The following DENND1A variants were observed in gnomAD, a reference collection of about 807,000 sequenced individuals.
The protein encoded by DENND1A is DENN domain containing 1A, also known as DENN domain-containing protein 1A.
DENND1A carries 51 observed loss-of-function variants against 113.7 expected under a neutral mutation model. The observed-to-expected ratio is 0.45, with a 90% confidence interval of 0.36 to 0.57. The LOEUF (loss-of-function observed/expected upper bound fraction) is 0.57. Ranked by LOEUF, DENND1A falls within the 20% of genes least tolerant of loss-of-function variation. The pLI is 0.00. For synonymous variants in DENND1A, 565 were observed against 570.8 expected (o/e 0.99, Z 0.14); for missense variants, 1,258 against 1,395.9 (o/e 0.90, Z 1.57).
intron 6 of DENND1A, 113 bp downstream of exon 6, chr9:123,676,607 T>C (rs933669915): frequency 1.1e-6 from 1 of 919,666 alleles, no homozygotes; most frequent in Non-Finnish European, 1.6e-6. Context: ...TTCCCAAAAT[T>C]CCTATAATGG....
chr9:123,787,929 ACT>A (rs375203994), intron 3 of DENND1A, among the ~76,000 whole-genome samples: 41 of 152,214 alleles, frequency 2.7e-4, no homozygotes, highest in African/African-American at 8.9e-4. Flanking sequence ...TCATTATAAC[ACT>A]CTGTTTCAGT....
At chr9:123,390,811 G>A (rs1241136211) in intron 21 of DENND1A, among the ~76,000 whole-genome samples, 3 of 152,212 alleles carry the variant, frequency 2.0e-5, no homozygotes, top group African/African-American at 7.2e-5. Context: ...GCCCCGGCTC[G>A]GGCCAAATGG....
At chr9:123,537,723 T>G (rs933484350) in intron 13 of DENND1A, among the ~76,000 whole-genome samples, 4 of 145,456 alleles carry the variant, frequency 2.7e-5, no homozygotes, top group Middle Eastern at 3.5e-3. Context: ...TATCATTAAC[T>G]TTGACAGCAA....
chr9:123,858,614 G>A (rs1370998898), intron 2 of DENND1A, among the ~76,000 whole-genome samples: 1 of 152,056 alleles, frequency 6.6e-6, no homozygotes, highest in Admixed American at 6.5e-5. Context: ...GAGGGGAGGA[G>A]GTTAAATTCA....
intron 4 of DENND1A, among the ~76,000 whole-genome samples, chr9:123,765,913 A>AT (rs1828725047): frequency 6.6e-6 from 1 of 152,164 alleles, no homozygotes; most frequent in Non-Finnish European, 1.5e-5. Context: ...GGCCCTGTAA[A>AT]TTATATAGTT....
intron 20 of DENND1A, chr9:123,411,339 C>T (rs975465153): frequency 1.3e-5 from 2 of 152,238 alleles, no homozygotes; most frequent in African/African-American, 4.8e-5. Flanking sequence ...GAGCTGGCTC[C>T]ATACTCCCTG....
At chr9:123,404,238 G>T (rs1300764459) in intron 20 of DENND1A, among the ~76,000 whole-genome samples, 2 of 152,220 alleles carry the variant, frequency 1.3e-5, no homozygotes, top group African/African-American at 4.8e-5. Context: ...GGCCCACAGA[G>T]AAAGACACCC....
rs557284434 is a variant in DENND1A, at chr9:123,472,241, G to C, written c.994-14344C>G. ...GTGACTGAGGTGACTCTGTCCAGGT[G>C]GGGTGGGGTCCAAGAAAGGCCACTG... is the stretch of plus-strand genomic sequence containing the variant. On this transcript the variant is annotated intron_variant, in intron 13 of 23. Transcript: ENST00000394215. 1.7e-4 allele frequency among the ~76,000 whole-genome samples: 26 copies of C among 152,210 alleles called. 2 individuals carry two copies. The South Asian group carries it at 5.2e-3, about 30-fold the overall frequency.
At chr9:123,922,888 C>A (rs1489345353) in intron 1 of DENND1A, among the ~76,000 whole-genome samples, 2 of 152,196 alleles carry the variant, frequency 1.3e-5, no homozygotes, top group Non-Finnish European at 2.9e-5. Flanking sequence ...TTTAACATAT[C>A]TTTTCTTACT....
chr9:123,383,338 G>A (rs1343498295), intron 23 of DENND1A, among the ~76,000 whole-genome samples: 2 of 152,202 alleles, frequency 1.3e-5, no homozygotes, highest in African/African-American at 2.4e-5. Context: ...ACGCAATCCC[G>A]GTTCCAGCAG....
intron 1 of DENND1A, among the ~76,000 whole-genome samples, chr9:123,912,332 A>G (rs760591410): frequency 2.0e-5 from 3 of 152,182 alleles, no homozygotes; most frequent in Non-Finnish European, 2.9e-5. Flanking sequence ...GTGAGCAGAG[A>G]TGAGTCCCCT....
At position 123,454,731 on chromosome 9, in the gene DENND1A, A is replaced by T. The variant is rs773969118; in HGVS notation, c.1227+8T>A. 1 of 1,553,846 alleles carries T rather than the reference A, an allele frequency of 6.4e-7. No individual in the cohort carries two copies. Among genetic ancestry groups the T allele is most frequent in the Non-Finnish European group, 8.7e-7 (1 of 1,147,992 alleles). ...GTCCAGGGGGCTCTGAATTGGGTGC[A>T]TGCTTACCCGGACAGTGGAGAGCCA... On this transcript the variant is annotated splice_region_variant and intron_variant, in intron 16 of 23. Transcript: ENST00000394215.
At chr9:123,420,250 G>A (rs1588441179) in intron 19 of DENND1A, among the ~76,000 whole-genome samples, 1 of 152,178 alleles carries the variant, frequency 6.6e-6, no homozygotes. Flanking sequence ...TGAGACAGAG[G>A]CTCTATTATG....
At chr9:123,634,672 A>G (rs554395724) in intron 9 of DENND1A, among the ~76,000 whole-genome samples, 1 of 152,382 alleles carries the variant, frequency 6.6e-6, no homozygotes, top group East Asian at 1.9e-4. Flanking sequence ...GATTCTATCA[A>G]AATCTCACTC....
At chr9:123,886,651 G>C (rs16926961) in intron 1 of DENND1A, among the ~76,000 whole-genome samples, 9,848 of 152,202 alleles carry the variant, frequency 0.065, 563 homozygotes, top group African/African-American at 0.16. Context: ...CAAAAAGGTA[G>C]TGTTAAAATT....
chr9:123,559,294 A>G (rs1241860310), intron 12 of DENND1A, among the ~76,000 whole-genome samples: 1 of 152,184 alleles, frequency 6.6e-6, no homozygotes, highest in African/African-American at 2.4e-5. Context: ...ACAGAAAACT[A>G]ATGATTGGTT....
intron 3 of DENND1A, among the ~76,000 whole-genome samples, chr9:123,777,790 A>G (rs905953832): frequency 6.6e-6 from 1 of 152,242 alleles, no homozygotes; most frequent in Non-Finnish European, 1.5e-5. Context: ...CCGTCAACAA[A>G]CACTGTGAGC....
intron 3 of DENND1A, among the ~76,000 whole-genome samples, chr9:123,775,287 G>T (rs948484691): frequency 1.3e-5 from 2 of 152,158 alleles, no homozygotes; most frequent in Non-Finnish European, 1.5e-5. Flanking sequence ...TCAGAATTCA[G>T]TGGTAATTCC....
At chr9:123,883,376 G>A (rs1487034417) in intron 1 of DENND1A, among the ~76,000 whole-genome samples, 3 of 152,144 alleles carry the variant, frequency 2.0e-5, no homozygotes, top group African/African-American at 7.2e-5. Flanking sequence ...GCCTTCCTGA[G>A]GTCTAAAAGA....
Sources: gnomAD v4.1 joint callset for allele counts (sites outside exome capture counted in the v4.1 genomes callset) on GRCh38, gnomAD v4.1.1 for gene constraint, MANE v1.5 for transcripts, NCBI Gene and HGNC (gene_info 2026-07-23, HGNC 2026-07-21) for gene names.